The following TAFA1 variants were observed in gnomAD, a reference collection of about 807,000 sequenced individuals.
TAFA1 encodes the protein chemokine-like protein TAFA-1.
Under a neutral mutation model 18.5 loss-of-function variants are expected in TAFA1, and 4 were observed. The ratio of observed to expected loss-of-function variants is 0.22; its 90% CI spans 0.11 to 0.49. The LOEUF is 0.49. Among genes scored for constraint, TAFA1 ranks in the 20% least tolerant of loss-of-function variants. TAFA1 has a pLI of 0.98. For missense variants in TAFA1, 147 were observed against 169.0 expected (o/e 0.87, Z 0.72); for synonymous variants, 56 against 55.2 (o/e 1.01, Z -0.06).
chr3:68,193,551 T>C (rs546184536), intron 2 of TAFA1, among the ~76,000 whole-genome samples: 1 of 151,962 alleles, frequency 6.6e-6, no homozygotes, highest in South Asian at 2.1e-4. Flanking sequence ...AACAGAGAAT[T>C]GAACACAGTT....
intron 3 of TAFA1, among the ~76,000 whole-genome samples, chr3:68,441,836 G>T (rs1181668044): frequency 3.3e-5 from 5 of 152,164 alleles, no homozygotes; most frequent in Non-Finnish European, 7.4e-5. Context: ...ATCTGAAAGT[G>T]GACAGCTGCA....
At chr3:68,336,912 T>C (rs1464601770) in intron 2 of TAFA1, among the ~76,000 whole-genome samples, 1 of 152,132 alleles carries the variant, frequency 6.6e-6, no homozygotes, top group Non-Finnish European at 1.5e-5. Context: ...TTAGAAGAGA[T>C]GGGGTTTCAC....
chr3:68,416,693 G>T (rs2070844958), intron 2 of TAFA1, among the ~76,000 whole-genome samples: 1 of 152,178 alleles, frequency 6.6e-6, no homozygotes, highest in African/African-American at 2.4e-5. Flanking sequence ...ATATGACCAG[G>T]ACTGCAATTT....
rs565843353 is a variant in TAFA1 at position 68,033,802 on chromosome 3, T to C, written c.118+27058T>C. On this transcript the variant is annotated intron_variant, in intron 2 of 4. Transcript: ENST00000478136. ...GAGGACATCATTATCTGCTTATAAA[T>C]GCTGGAAATACAATTTACAACCTCC... Among the ~76,000 whole-genome samples the C allele has an allele frequency of 3.6e-4, 55 of 152,338 alleles. 1 individual carries two copies. The highest frequency in any genetic ancestry group is 6.5e-4 in the Non-Finnish European group (44 of 68,026).
At chr3:68,281,516 C>A (rs1389856161) in intron 2 of TAFA1, among the ~76,000 whole-genome samples, 1 of 140,872 alleles carries the variant, frequency 7.1e-6, no homozygotes, top group African/African-American at 2.7e-5. Context: ...GTTGCCCAGG[C>A]TGGAGTACAG....
intron 2 of TAFA1, among the ~76,000 whole-genome samples, chr3:68,041,878 C>T (rs1705172586): frequency 6.6e-6 from 1 of 152,182 alleles, no homozygotes; most frequent in Non-Finnish European, 1.5e-5. Flanking sequence ...TATTTCCTAT[C>T]TGAGCTCTTG....
chr3:67,997,196 A>G, the TAFA1 span, among the ~76,000 whole-genome samples: 1 of 152,234 alleles, frequency 6.6e-6, no homozygotes, highest in African/African-American at 2.4e-5. Context: ...GAAGTGAGAA[A>G]ACATCTTACA....
chr3:68,337,578 A>T (rs1190334734), intron 2 of TAFA1, among the ~76,000 whole-genome samples: 1 of 152,220 alleles, frequency 6.6e-6, no homozygotes, highest in East Asian at 1.9e-4. Context: ...GTATATACTC[A>T]TGTTATCACC....
intron 2 of TAFA1, among the ~76,000 whole-genome samples, chr3:68,403,262 T>C (rs2070532786): frequency 6.6e-6 from 1 of 152,208 alleles, no homozygotes; most frequent in African/African-American, 2.4e-5. Flanking sequence ...GAAGTTACCT[T>C]GTCATTAAGT....
rs551906250 is a variant in TAFA1 at position 68,004,468 on chromosome 3, A to G, written c.-238A>G. 4.6e-5 allele frequency: 7 copies of G among 152,242 alleles called. No homozygotes were observed. The highest frequency in any genetic ancestry group is 1.7e-4 in the African/African-American group (7 of 41,546). 9.4% of individuals were successfully genotyped at this position (152,242 alleles called of 1,614,324 possible). On this transcript the variant is annotated 5_prime_UTR_variant, in exon 1 of 5. Transcript: ENST00000478136. ...GAAAATGACAAGGTTTCCACCCCTC[A>G]AACCTTGGCTCCTTTTCTGACAATA...
intron 2 of TAFA1, among the ~76,000 whole-genome samples, chr3:68,128,284 A>T (rs971599526): frequency 4.2e-4 from 64 of 152,122 alleles, no homozygotes; most frequent in African/African-American, 1.5e-3. Context: ...AGGCCATCCA[A>T]ATTCAGTTCT....
In TAFA1 at chr3:68,247,826, G is replaced by A. The variant is rs570579290; in HGVS notation, c.119-169454G>A. ...CTCTGGTGAGTATGTTGAGCTCTGA[G>A]CTCTCCTGAAGTTGGGCTCTGAGCC... On this transcript the variant is annotated intron_variant, in intron 2 of 4. Transcript: ENST00000478136. 3 of 152,302 alleles carry A rather than the reference G, an allele frequency of 2.0e-5. No homozygotes were observed. In the South Asian group the frequency reaches 6.2e-4, roughly 32 times the overall value. 9.4% of individuals were successfully genotyped at this position (152,302 alleles called of 1,614,324 possible).
intron 2 of TAFA1, among the ~76,000 whole-genome samples, chr3:68,329,253 A>G (rs2068825954): frequency 1.1e-5 from 1 of 89,850 alleles, no homozygotes; most frequent in Non-Finnish European, 2.1e-5. Context: ...TTTTTAGTAG[A>G]GACGGGGTTT....
At chr3:68,127,802 C>T (rs1266389289) in intron 2 of TAFA1, among the ~76,000 whole-genome samples, 1 of 101,958 alleles carries the variant, frequency 9.8e-6, no homozygotes, top group Non-Finnish European at 2.0e-5. Flanking sequence ...ATGCTGATGG[C>T]AGTGGTGGTG....
intron 2 of TAFA1, among the ~76,000 whole-genome samples, chr3:68,227,188 T>C (rs1316816411): frequency 6.6e-6 from 1 of 152,198 alleles, no homozygotes; most frequent in African/African-American, 2.4e-5. Flanking sequence ...TTCTAGCATA[T>C]GCAAATATTC....
chr3:68,182,105 A>G, intron 2 of TAFA1, among the ~76,000 whole-genome samples: 1 of 152,100 alleles, frequency 6.6e-6, no homozygotes, highest in Non-Finnish European at 1.5e-5. Flanking sequence ...GCTACTGGTG[A>G]GGCTGAGGCA....
intron 3 of TAFA1, among the ~76,000 whole-genome samples, chr3:68,484,702 A>G (rs968130742): frequency 2.6e-5 from 4 of 152,230 alleles, no homozygotes; most frequent in Non-Finnish European, 4.4e-5. Flanking sequence ...AGGATCCATC[A>G]TTAATCCTAG....
At chr3:68,083,104 G>T (rs2064925206) in intron 2 of TAFA1, among the ~76,000 whole-genome samples, 1 of 152,112 alleles carries the variant, frequency 6.6e-6, no homozygotes, top group Non-Finnish European at 1.5e-5. Flanking sequence ...GTACTCACCA[G>T]CATAATGGAG....
At chr3:68,022,967 T>C (rs952720804) in intron 2 of TAFA1, among the ~76,000 whole-genome samples, 37 of 127,774 alleles carry the variant, frequency 2.9e-4, no homozygotes, top group African/African-American at 1.1e-3. Flanking sequence ...GTTACTCTTG[T>C]TTTTTTTTTT....
Sources: gnomAD v4.1 joint callset for allele counts (sites outside exome capture counted in the v4.1 genomes callset) on GRCh38, gnomAD v4.1.1 for gene constraint, MANE v1.5 for transcripts, NCBI Gene and HGNC (gene_info 2026-07-23, HGNC 2026-07-21) for gene names.